The following SLC1A1 variants were observed in gnomAD, a reference collection of about 807,000 sequenced individuals.
SLC1A1 encodes excitatory amino acid transporter 3.
A neutral mutation model predicts 53.3 loss-of-function variants in SLC1A1; 43 were observed. The observed-to-expected ratio is 0.81, with a 90% CI of 0.63 to 1.04. The LOEUF (loss-of-function observed/expected upper bound fraction) is 1.04. SLC1A1 is among the 50% of genes least tolerant of loss of function. The probability of loss-of-function intolerance (pLI) is 0.00; values close to 1 mark genes in which losing one functional copy is unlikely to be tolerated. For synonymous variants in SLC1A1, 307 were observed against 243.2 expected (o/e 1.26, Z -2.44); for missense variants, 748 against 664.9 (o/e 1.12, Z -1.37).
Position 4,544,090 on chromosome 9 carries a change from C to T in SLC1A1, c.92-477C>T, listed in dbSNP as rs757645364. On this transcript the variant is annotated intron_variant, in intron 1 of 11. Coordinates refer to ENST00000262352, the MANE Select transcript of SLC1A1 (RefSeq NM_004170.6). ...ACTCGGGAGGCTGAGGTGGGAGGAT[C>T]GACTGAGCCTGGAAGGTTGAGGCTG... 1.4e-4 allele frequency among the ~76,000 whole-genome samples: 21 copies of T among 152,090 alleles called. No individual in the cohort carries two copies. The South Asian group carries it at 3.3e-3, about 24-fold the overall frequency.
intron 1 of SLC1A1, among the ~76,000 whole-genome samples, chr9:4,504,455 C>T (rs1482350496): frequency 6.6e-6 from 1 of 152,220 alleles, no homozygotes; most frequent in Non-Finnish European, 1.5e-5. Context: ...TGGGTAAACA[C>T]TAGATGTGGT....
chr9:4,529,765 C>T (rs918761072), intron 1 of SLC1A1, among the ~76,000 whole-genome samples: 6 of 152,094 alleles, frequency 3.9e-5, no homozygotes, highest in Non-Finnish European at 7.4e-5. Context: ...CCTGGGCTCC[C>T]ACCTTGGCTT....
intron 1 of SLC1A1, among the ~76,000 whole-genome samples, chr9:4,501,345 A>C (rs1490808733): frequency 6.6e-6 from 1 of 151,318 alleles, no homozygotes; most frequent in Non-Finnish European, 1.5e-5. Context: ...GCAATAGCAG[A>C]CTTTGGGACT....
At chr9:4,495,477 G>A (rs929126405) in intron 1 of SLC1A1, among the ~76,000 whole-genome samples, 10 of 152,164 alleles carry the variant, frequency 6.6e-5, no homozygotes, top group African/African-American at 9.7e-5. Context: ...GTGTTCTGGA[G>A]TAGTATAGAG....
intron 1 of SLC1A1, among the ~76,000 whole-genome samples, chr9:4,495,921 C>G (rs566236790): frequency 6.6e-6 from 1 of 152,074 alleles, no homozygotes; most frequent in African/African-American, 2.4e-5. Flanking sequence ...GCATGTTCCA[C>G]GGTGGACGTG....
chr9:4,513,664 C>A (rs752011344), intron 1 of SLC1A1, among the ~76,000 whole-genome samples: 6 of 152,168 alleles, frequency 3.9e-5, no homozygotes, highest in Non-Finnish European at 8.8e-5. Context: ...ACCTTAAATA[C>A]AGCTTTATGA....
chr9:4,576,171 T>C (rs921871965), intron 9 of SLC1A1, 48 bp downstream of exon 9: 17 of 1,585,710 alleles, frequency 1.1e-5, no homozygotes, highest in Non-Finnish European at 1.5e-5. Context: ...CTCAACGTTA[T>C]CAACTCTCAC....
intron 1 of SLC1A1, among the ~76,000 whole-genome samples, chr9:4,522,161 C>G (rs2130833306): frequency 6.7e-6 from 1 of 150,178 alleles, no homozygotes; most frequent in Admixed American, 6.7e-5. Context: ...GTGCCATTCT[C>G]CTGCCTAAGC....
At chr9:4,510,403 G>T (rs914606720) in intron 1 of SLC1A1, among the ~76,000 whole-genome samples, 3 of 152,178 alleles carry the variant, frequency 2.0e-5, no homozygotes, top group Non-Finnish European at 4.4e-5. Flanking sequence ...TATAATTTAG[G>T]ACTCTTCTAA....
intron 8 of SLC1A1, among the ~76,000 whole-genome samples, chr9:4,575,310 CCTA>C (rs1376774164): frequency 6.6e-6 from 1 of 152,166 alleles, no homozygotes; most frequent in Non-Finnish European, 1.5e-5. Context: ...TCTTAAGCCT[CCTA>C]GTTCATGTAA....
At chr9:4,555,850 A>G (rs1281860082) in intron 2 of SLC1A1, among the ~76,000 whole-genome samples, 1 of 152,220 alleles carries the variant, frequency 6.6e-6, no homozygotes, top group Non-Finnish European at 1.5e-5. Flanking sequence ...TTCACAAAAC[A>G]TCTAGTTTTT....
At chr9:4,490,803 C>T in intron 1 of SLC1A1, 33 bp downstream of exon 1, 1 of 1,560,852 alleles carries the variant, frequency 6.4e-7, no homozygotes, top group Non-Finnish European at 8.8e-7. Context: ...GATGCGCGCA[C>T]CCTCACGCGC....
chr9:4,500,544 C>A lies in SLC1A1; in HGVS notation c.91+9774C>A, dbSNP rs546254343. 2.6e-5 allele frequency among the ~76,000 whole-genome samples: 4 copies of A among 152,296 alleles called. No individual in the cohort carries two copies. The East Asian group carries it at 5.8e-4, about 22-fold the overall frequency. On this transcript the variant is annotated intron_variant, in intron 1 of 11. Transcript: ENST00000262352. ...CAAGCTGCTCTCGAACTGTTAACTG[C>A]AGGTAGTCTGCCCGCCTCGGCCTCC...
rs780117919 is a variant in SLC1A1 at position 4,544,591 on chromosome 9, G to A, written c.116G>A (p.Arg39Gln). Reference sequence around the variant, plus strand: ...GGCATTACCACAGGAGTCTTGGTTCGAGAACACAGCAACCTCTCAACTCTA... The same window carrying A: ...GGCATTACCACAGGAGTCTTGGTTCAAGAACACAGCAACCTCTCAACTCTA... ...VLGITTGVLVREHSNLSTLEK... is the reference protein window; with the variant it reads ...VLGITTGVLVQEHSNLSTLEK... The change falls in exon 2 of 12, where the codon CGA becomes CAA. Residue 39 changes from arginine (R) to glutamine (Q), a missense_variant. By Grantham distance (43) the Arg-to-Gln change is conservative (BLOSUM62 1). Coordinates refer to ENST00000262352, the MANE Select transcript of SLC1A1 (RefSeq NM_004170.6). 15 of 1,613,638 alleles carry A rather than the reference G, an allele frequency of 9.3e-6. No individual in the cohort carries two copies. The highest frequency in any genetic ancestry group is 3.3e-5 in the Admixed American group (2 of 60,002).
intron 1 of SLC1A1, among the ~76,000 whole-genome samples, chr9:4,505,811 C>T (rs921924168): frequency 1.6e-4 from 24 of 152,130 alleles, no homozygotes; most frequent in Admixed American, 3.3e-4. Context: ...CATGTGCCAC[C>T]ACGCCCAGCT....
At chr9:4,558,283 G>A (rs1818613279) in intron 2 of SLC1A1, among the ~76,000 whole-genome samples, 1 of 152,180 alleles carries the variant, frequency 6.6e-6, no homozygotes, top group African/African-American at 2.4e-5. Context: ...TTGGGGGCCA[G>A]CTCTGCCCCC....
intron 1 of SLC1A1, among the ~76,000 whole-genome samples, chr9:4,535,282 A>C (rs889810905): frequency 6.6e-6 from 1 of 152,150 alleles, no homozygotes; most frequent in East Asian, 1.9e-4. Flanking sequence ...TGTTTGCAGA[A>C]GACATGATTG....
chr9:4,506,455 C>T (rs1007851228), intron 1 of SLC1A1, among the ~76,000 whole-genome samples: 5 of 152,006 alleles, frequency 3.3e-5, no homozygotes, highest in African/African-American at 1.2e-4. Flanking sequence ...GATCTTGTTG[C>T]CAATTCAGAA....
At chr9:4,532,381 G>A (rs191491855) in intron 1 of SLC1A1, among the ~76,000 whole-genome samples, 27 of 152,256 alleles carry the variant, frequency 1.8e-4, no homozygotes, top group African/African-American at 5.5e-4. Flanking sequence ...ACCTGATGAA[G>A]CTGAAAACCA....
Sources: gnomAD v4.1 joint callset for allele counts (sites outside exome capture counted in the v4.1 genomes callset) on GRCh38, gnomAD v4.1.1 for gene constraint, MANE v1.5 for transcripts, NCBI Gene and HGNC (gene_info 2026-07-23, HGNC 2026-07-21) for gene names.